Variants in ANO4 observed in about 807,000 individuals in gnomAD.
ANO4 encodes the protein anoctamin-4.
Under a neutral mutation model 141.9 loss-of-function variants are expected in ANO4, and 69 were observed. The observed-to-expected ratio is 0.49, with a 90% CI of 0.40 to 0.59. ANO4 has a LOEUF of 0.59. Ranked by LOEUF, ANO4 falls within the 20% of genes least tolerant of loss-of-function variation. The pLI is 0.00. For synonymous variants in ANO4, 350 were observed against 394.3 expected (o/e 0.89, Z 1.33); for missense variants, 894 against 1,162.2 (o/e 0.77, Z 3.36).
At chr12:100,856,530 A>C (rs554186017) in intron 1 of ANO4, among the ~76,000 whole-genome samples, 1 of 152,298 alleles carries the variant, frequency 6.6e-6, no homozygotes, top group East Asian at 1.9e-4. Flanking sequence ...GTAAAATGGC[A>C]GGATAAGACA....
In ANO4 at chr12:100,775,794, G is replaced by T. The variant is rs368998280; in HGVS notation, c.358+35689G>T. ...AGTCCAGATTTTTTCTTCCTATTAC[G>T]ATTATGAGTTCTTAGAGATAAGAGC... On this transcript the variant is annotated intron_variant, in intron 3 of 29. Transcript: ENST00000644049. Among the ~76,000 whole-genome samples the T allele has an allele frequency of 2.6e-5, 4 of 151,900 alleles. No individual in the cohort carries two copies. The East Asian group carries it at 7.8e-4, about 29-fold the overall frequency.
At chr12:100,883,320 C>A (rs1463457704) in intron 1 of ANO4, among the ~76,000 whole-genome samples, 2 of 152,198 alleles carry the variant, frequency 1.3e-5, no homozygotes, top group African/African-American at 2.4e-5. Context: ...TAAATATTTT[C>A]AGCCTTAAGG....
At position 100,987,501 on chromosome 12, in the gene ANO4, A is replaced by G. The variant is rs1241668118; in HGVS notation, c.603-38A>G. On this transcript the variant is annotated intron_variant, in intron 7 of 27. Coordinates refer to ENST00000392977, the MANE Select transcript of ANO4 (RefSeq NM_001286615.2). ...TCCTGTGTTTCAGGGCATTGCTGAC[A>G]TGCTGTACCCTTTGGTCTTGCCTTC... 6.9e-6 allele frequency: 11 copies of G among 1,605,468 alleles called. No individual in the cohort carries two copies. The Admixed American group carries it at 1.3e-4, about 20-fold the overall frequency.
At chr12:100,785,070 A>G (rs2033825962) in intron 3 of ANO4, among the ~76,000 whole-genome samples, 1 of 152,046 alleles carries the variant, frequency 6.6e-6, no homozygotes, top group South Asian at 2.1e-4. Context: ...AGGGAAATTC[A>G]GTTTTGTTGT....
intron 1 of ANO4, among the ~76,000 whole-genome samples, chr12:100,817,206 T>G (rs926208561): frequency 6.6e-6 from 1 of 151,926 alleles, no homozygotes; most frequent in Admixed American, 6.6e-5. Flanking sequence ...AAATGCTTGA[T>G]TATCTGGCTC....
chr12:101,081,856 T>C (rs1465741352), intron 15 of ANO4, among the ~76,000 whole-genome samples: 1 of 152,170 alleles, frequency 6.6e-6, no homozygotes, highest in Non-Finnish European at 1.5e-5. Flanking sequence ...CCTGGGTGTC[T>C]CTGTGTCCAA....
intron 9 of ANO4, among the ~76,000 whole-genome samples, chr12:101,035,763 A>G (rs2047167467): frequency 6.6e-6 from 1 of 152,208 alleles, no homozygotes; most frequent in South Asian, 2.1e-4. Context: ...TAGAAAAACC[A>G]AACACCACAT....
chr12:101,043,078 T>C (rs990255237), intron 12 of ANO4, among the ~76,000 whole-genome samples: 2 of 152,264 alleles, frequency 1.3e-5, no homozygotes, highest in African/African-American at 4.8e-5. Context: ...AAATTGTTAA[T>C]GTGTTAGTTA....
At chr12:100,818,272 G>C (rs2035845068) in intron 1 of ANO4, among the ~76,000 whole-genome samples, 1 of 151,818 alleles carries the variant, frequency 6.6e-6, no homozygotes, top group Non-Finnish European at 1.5e-5. Flanking sequence ...AAAGTGAAGG[G>C]AAATGGACCA....
chr12:100,915,454 G>T (rs1328982432), intron 2 of ANO4, among the ~76,000 whole-genome samples: 1 of 152,114 alleles, frequency 6.6e-6, no homozygotes, highest in Non-Finnish European at 1.5e-5. Context: ...GGCTATCATA[G>T]AAAATATCAT....
Position 100,735,024 on chromosome 12 carries a change from C to A in ANO4, c.106+1167C>A, listed in dbSNP as rs79571993. 5.0e-3 allele frequency among the ~76,000 whole-genome samples: 757 copies of A among 152,290 alleles called. 23 individuals are homozygous for A. In the East Asian group the frequency reaches 0.068, roughly 14 times the overall value. ...GGTACTGGCTGCAGTGATGTTGGTT[C>A]TTTGAGTGCAGTACAGTTTTACTGC... On this transcript the variant is annotated intron_variant, in intron 2 of 29. Transcript: ENST00000644049.
chr12:100,886,551 C>G (rs1258586376), intron 1 of ANO4, among the ~76,000 whole-genome samples: 2 of 152,102 alleles, frequency 1.3e-5, no homozygotes, highest in African/African-American at 2.4e-5. Flanking sequence ...AGCAATGAGG[C>G]TTAGTGACAA....
At chr12:100,741,843 C>G (rs2031879119) in intron 3 of ANO4, among the ~76,000 whole-genome samples, 1 of 152,024 alleles carries the variant, frequency 6.6e-6, no homozygotes, top group African/African-American at 2.4e-5. Context: ...TAAAGTACCT[C>G]CTTTATATAT....
chr12:100,945,914 A>AG (rs1169929650), intron 5 of ANO4, among the ~76,000 whole-genome samples: 1 of 151,536 alleles, frequency 6.6e-6, no homozygotes, highest in Non-Finnish European at 1.5e-5. Context: ...CAAATAAAAC[A>AG]GAAAAAAAAA....
intron 6 of ANO4, among the ~76,000 whole-genome samples, chr12:100,973,810 G>A (rs1277965152): frequency 6.6e-6 from 1 of 152,188 alleles, no homozygotes; most frequent in African/African-American, 2.4e-5. Flanking sequence ...GCAGGATCAT[G>A]CAGAGTAGCT....
intron 3 of ANO4, among the ~76,000 whole-genome samples, chr12:100,938,659 G>A (rs1036773500): frequency 2.0e-5 from 3 of 152,134 alleles, no homozygotes; most frequent in Non-Finnish European, 2.9e-5. Context: ...ACCTAGAACC[G>A]TGATATACAG....
At position 100,746,821 on chromosome 12, in the gene ANO4, C is replaced by T. The variant is rs150334292; in HGVS notation, c.358+6716C>T. ...CCTCCTTTAGGGCATTCCCAGGGCT[C>T]TCGTTTCTCTCCTAGGGCTGTGCTT... On this transcript the variant is annotated intron_variant, in intron 3 of 29. Coordinates refer to the ANO4 transcript ENST00000644049. Among the ~76,000 whole-genome samples, 114 of 152,298 alleles carry T rather than the reference C, an allele frequency of 7.5e-4. 1 individual carries two copies. Among genetic ancestry groups the T allele is most frequent in the African/African-American group, 2.6e-3 (108 of 41,564 alleles).
At chr12:100,803,178 G>A (rs1053156329) in intron 1 of ANO4, among the ~76,000 whole-genome samples, 3 of 152,166 alleles carry the variant, frequency 2.0e-5, no homozygotes, top group African/African-American at 7.2e-5. Flanking sequence ...GCAGTTTGGG[G>A]TGTTCTGAGA....
intron 8 of ANO4, among the ~76,000 whole-genome samples, chr12:100,993,512 A>G (rs1236237665): frequency 2.0e-5 from 3 of 151,796 alleles, no homozygotes; most frequent in Non-Finnish European, 2.9e-5. Context: ...TGTCTAAACA[A>G]CTCCCAAATA....
Sources: gnomAD v4.1 joint callset for allele counts (sites outside exome capture counted in the v4.1 genomes callset) on GRCh38, gnomAD v4.1.1 for gene constraint, MANE v1.5 for transcripts, NCBI Gene and HGNC (gene_info 2026-07-23, HGNC 2026-07-21) for gene names.